The following PUF60 variants were observed in gnomAD, a reference collection of about 807,000 sequenced individuals.
PUF60 encodes poly(U)-binding-splicing factor PUF60.
A neutral mutation model predicts 61.8 loss-of-function variants in PUF60; 10 were observed. The observed-to-expected ratio is 0.16, with a 90% CI of 0.10 to 0.27. PUF60 has a LOEUF of 0.27. Among genes scored for constraint, PUF60 ranks in the 10% least tolerant of loss-of-function variants. The pLI, the probability that PUF60 is intolerant of heterozygous loss-of-function variation, is 1.00. For synonymous variants in PUF60, 353 were observed against 300.9 expected (o/e 1.17, Z -1.79); for missense variants, 371 against 754.0 (o/e 0.49, Z 5.95).
chr8:143,817,546 G>C lies in PUF60; in HGVS notation c.1008+46C>G. 1 of 1,608,448 alleles carries C rather than the reference G, an allele frequency of 6.2e-7. No homozygotes were observed. Among genetic ancestry groups the C allele is most frequent in the South Asian group, 1.1e-5 (1 of 90,928 alleles). On this transcript the variant is annotated intron_variant, in intron 9 of 11. Transcript: ENST00000526683. This position sits in a 1 kb window ranked among gnomAD's most constrained non-coding sequence, Gnocchi z 7.4. ...CTTGAATCAGTCTCCAAGGAATCAG[G>C]GGCCAGCCCGCCCACCCTCAAGCCG...
chr8:143,828,867 C>T, intron 1 of PUF60: 1 of 948,712 alleles, frequency 1.1e-6, no homozygotes. Flanking sequence ...GGTCCCGTCC[C>T]CTTCTGATCC....
At chr8:143,821,330 C>A (rs2130323233) in intron 4 of PUF60, 2 of 583,556 alleles carry the variant, frequency 3.4e-6, no homozygotes, top group South Asian at 2.0e-5. Flanking sequence ...AGTGTGAAGA[C>A]CAGGAAGGGG....
chr8:143,821,753 C>T (rs565242707), intron 3 of PUF60, 65 bp downstream of exon 3: 189 of 1,550,886 alleles, frequency 1.2e-4, no homozygotes, highest in African/African-American at 8.7e-4. Flanking sequence ...CCCCGCACCC[C>T]GCCCCTGCCC....
rs1218770687 is a variant in PUF60 at position 143,816,362 on chromosome 8, G to A, written c.*158C>T. ...CCCAGGATCGGTGACAGGACCGACG[G>A]CAGACACACGGACGTTCAGGGCCAG... On this transcript the variant is annotated 3_prime_UTR_variant, in exon 12 of 12. Coordinates refer to ENST00000526683, the MANE Select transcript of PUF60 (RefSeq NM_078480.3). The A allele has an allele frequency of 8.7e-6, 7 of 804,044 alleles. No individual in the cohort carries two copies. The highest frequency in any genetic ancestry group is 2.9e-5 in the Admixed American group (1 of 34,282). The allele number at this position is 804,044 out of a possible 1,614,324, so 49.8% of individuals were successfully genotyped here.
Position 143,821,851 on chromosome 8 carries a change from G to A in PUF60, c.174C>T (p.Pro58=), listed in dbSNP as rs751778060. 4 of 1,611,028 alleles carry A rather than the reference G, an allele frequency of 2.5e-6. No homozygotes were observed. The highest frequency in any genetic ancestry group is 2.2e-5 in the East Asian group (1 of 44,876). ...GGGCCTCCTGCTGCTCGGGCGTCAG[G>A]GGAGGCAGCCCCAGCTTGGCGGCTG... ...QSTAAKLGLP[P]LTPEQQEALQ... is the part of the protein sequence containing the mutation. Residue 58 remains proline, a synonymous_variant, in exon 3 of 12, where the codon CCC becomes CCT. Transcript: ENST00000526683.
At chr8:143,824,038 C>A (rs1406201721) in intron 2 of PUF60, among the ~76,000 whole-genome samples, 1 of 152,268 alleles carries the variant, frequency 6.6e-6, no homozygotes, top group Non-Finnish European at 1.5e-5. Flanking sequence ...CCCCGCCCAG[C>A]CAGACTGTCA....
chr8:143,828,493 C>G lies in PUF60; in HGVS notation c.24+787G>C, dbSNP rs115029740. Among the ~76,000 whole-genome samples the G allele has an allele frequency of 3.1e-3, 468 of 152,352 alleles. 1 individual carries two copies. Among genetic ancestry groups the G allele is most frequent in the African/African-American group, 0.011 (452 of 41,572 alleles). On this transcript the variant is annotated intron_variant, in intron 1 of 11. Coordinates refer to ENST00000526683, the MANE Select transcript of PUF60 (RefSeq NM_078480.3). ...GGGTGTTCTCCCTCTACGTTAATAA[C>G]GCCTGCCCTGCCCGGGGAAGTGGGC...
Position 143,818,250 on chromosome 8 carries a change from A to G in PUF60, c.546T>C (p.Ala182=), listed in dbSNP as rs1478405795. 1.2e-6 allele frequency: 2 copies of G among 1,611,082 alleles called. No individual in the cohort carries two copies. Among genetic ancestry groups the G allele is most frequent in the Admixed American group, 1.7e-5 (1 of 59,836 alleles). Residue 182 remains alanine (A), a synonymous_variant, in exon 7 of 12, where the codon GCT becomes GCC. Coordinates refer to ENST00000526683, the MANE Select transcript of PUF60 (RefSeq NM_078480.3). This position sits in a 1 kb window ranked among gnomAD's most constrained non-coding sequence, Gnocchi z 7.9. ...TCATCTGCTCCAAGGCCAGCTGTGC[A>G]GCTTCGGGGACCTCATACTCCACGA... ...FAFVEYEVPE[A]AQLALEQMNS...
intron 1 of PUF60, chr8:143,827,480 T>C (rs1563845930): frequency 4.4e-6 from 2 of 455,926 alleles, no homozygotes; most frequent in African/African-American, 4.0e-5. Context: ...CTGGCTTCCT[T>C]CCCCACCAGG....
chr8:143,826,213 G>A (rs941036473), intron 1 of PUF60, among the ~76,000 whole-genome samples: 1 of 152,230 alleles, frequency 6.6e-6, no homozygotes, highest in Non-Finnish European at 1.5e-5. Context: ...GCACAGCAGA[G>A]GGGCTCTGGG....
At chr8:143,826,441 G>A (rs192886076) in intron 1 of PUF60, among the ~76,000 whole-genome samples, 3 of 152,206 alleles carry the variant, frequency 2.0e-5, no homozygotes, top group Admixed American at 1.3e-4. Flanking sequence ...GTGGCCAGAC[G>A]CAGTGGCTCA....
Position 143,821,609 on chromosome 8 carries a change from G to A in PUF60, c.285C>T (p.Leu95=), listed in dbSNP as rs1357729470. ...GGCCGGGGCTCACCTGCAGGTTGGT[G>A]AGCTGCTGCTGCTGGTGCGCGATGG... is the stretch of plus-strand genomic sequence containing the variant. ...KQTIAHQQQQ[L]TNLQMAAVTM... Residue 95 remains leucine (L), a synonymous_variant, in exon 4 of 12, where the codon CTC becomes CTT. Coordinates refer to ENST00000526683, the MANE Select transcript of PUF60 (RefSeq NM_078480.3). The A allele has an allele frequency of 1.3e-6, 2 of 1,543,502 alleles. No individual in the cohort carries two copies. The highest frequency in any genetic ancestry group is 2.7e-5 in the African/African-American group (2 of 72,982).
chr8:143,829,224 G>T (rs1171773982), intron 1 of PUF60, 56 bp downstream of exon 1: 3 of 1,237,074 alleles, frequency 2.4e-6, no homozygotes, highest in Non-Finnish European at 2.0e-6. Flanking sequence ...AGGCTGGGTC[G>T]ACGACCCGGC....
At chr8:143,820,488 G>C (rs1331104600) in intron 5 of PUF60, 178 bp downstream of exon 5, 2 of 704,564 alleles carry the variant, frequency 2.8e-6, no homozygotes, top group Non-Finnish European at 4.9e-6. Context: ...CCCAGGGGCG[G>C]TCCCGGGTGG....
At position 143,816,586 on chromosome 8, in the gene PUF60, A is replaced by C; in HGVS notation, c.1614T>G (p.Ala538=). 6.2e-7 allele frequency: 1 copy of C among 1,613,706 alleles called. No individual in the cohort carries two copies. The highest frequency in any genetic ancestry group is 8.5e-7 in the Non-Finnish European group (1 of 1,179,872). The part of the protein sequence containing the change: ...AIQALNGRWF[A]GRKVVAEVYD... Reference sequence around the variant, plus strand: ...ACACTTCAGCCACCACCTTGCGGCCAGCAAACCAGCGGCCATTGAGGGCCT... The same window carrying C: ...ACACTTCAGCCACCACCTTGCGGCCCGCAAACCAGCGGCCATTGAGGGCCT... Residue 538 remains alanine (A), a synonymous_variant, in exon 12 of 12, where the codon GCT becomes GCG. Transcript: ENST00000526683.
At chr8:143,823,856 C>G (rs906257815) in intron 2 of PUF60, among the ~76,000 whole-genome samples, 1 of 152,268 alleles carries the variant, frequency 6.6e-6, no homozygotes, top group South Asian at 2.1e-4. Context: ...CCCAACCAGA[C>G]CTGTGCTTTG....
chr8:143,824,682 A>C (rs62522487), intron 1 of PUF60: 1 of 470,324 alleles, frequency 2.1e-6, no homozygotes, highest in African/African-American at 2.0e-5. Flanking sequence ...CTCCTGCCCC[A>C]GGCAAAAGAA....
chr8:143,823,175 C>A (rs113748641), intron 2 of PUF60: 2,350 of 159,770 alleles, frequency 0.015, 63 homozygotes, highest in African/African-American at 0.054. Flanking sequence ...CCTAATCACC[C>A]TCAGCACCAG....
intron 1 of PUF60, among the ~76,000 whole-genome samples, chr8:143,826,181 TGGGAAGCCCCTCTGAGGGGC>T (rs1382380275): frequency 1.3e-5 from 2 of 152,138 alleles, no homozygotes; most frequent in Non-Finnish European, 2.9e-5. Flanking sequence ...CTTGGAGGGA[TGGGAAGCCCCTCTGAGGGGC>T]GGCACAGCAG....
Sources: allele counts gnomAD v4.1 joint callset (sites outside exome capture counted in the v4.1 genomes callset), GRCh38; gene constraint gnomAD v4.1.1; non-coding constraint Gnocchi (gnomAD v3.1); transcripts MANE v1.5; gene names NCBI Gene and HGNC (gene_info 2026-07-23, HGNC 2026-07-21).